The following GOLGA7 variants were observed in gnomAD, a reference collection of about 807,000 sequenced individuals.
GOLGA7 encodes the protein golgin A7, also known as golgin subfamily A member 7.
Under a neutral mutation model 21.1 loss-of-function variants are expected in GOLGA7, and 10 were observed. The observed-to-expected ratio is 0.47, with a 90% CI of 0.29 to 0.80. The LOEUF is 0.80. Ranked by LOEUF, GOLGA7 falls within the 30% of genes least tolerant of loss-of-function variation. The pLI, the probability that GOLGA7 is intolerant of heterozygous loss-of-function variation, is 0.08. For synonymous variants in GOLGA7, 64 were observed against 62.6 expected, an observed-to-expected ratio of 1.02 and a Z score of -0.10; for missense variants, 114 against 166.8, an observed-to-expected ratio of 0.68 and a Z score of 1.74.
intron 2 of GOLGA7, among the ~76,000 whole-genome samples, chr8:41,500,050 C>T (rs1806112772): frequency 6.6e-6 from 1 of 152,210 alleles, no homozygotes; most frequent in Non-Finnish European, 1.5e-5. Context: ...AGTGAAGGCT[C>T]AGGGGATTTG....
intron 4 of GOLGA7, 133 bp downstream of exon 4, chr8:41,507,254 G>A: frequency 1.6e-6 from 1 of 620,174 alleles, no homozygotes; most frequent in Admixed American, 2.9e-5. Context: ...GTTAGCTTAA[G>A]CTAGTCACTG....
intron 1 of GOLGA7, among the ~76,000 whole-genome samples, chr8:41,494,287 G>A (rs1329050739): frequency 6.6e-6 from 1 of 152,086 alleles, no homozygotes; most frequent in Non-Finnish European, 1.5e-5. Flanking sequence ...ACCAGTCTGG[G>A]CAACATAGCG....
At chr8:41,493,577 T>C (rs1448686706) in intron 1 of GOLGA7, among the ~76,000 whole-genome samples, 2 of 152,218 alleles carry the variant, frequency 1.3e-5, no homozygotes, top group East Asian at 3.8e-4. Context: ...TACAGATATC[T>C]TAGTTACCCT....
At chr8:41,509,502 A>G (rs189420177) in intron 4 of GOLGA7, 82 bp from the exon 5 acceptor site, 3 of 152,580 alleles carry the variant, frequency 2.0e-5, no homozygotes, top group African/African-American at 2.4e-5. Flanking sequence ...TTATAAGCTG[A>G]TATCAGTTGA....
chr8:41,505,989 CCTAT>C lies in GOLGA7; in HGVS notation c.344_347del (p.Pro115LeufsTer18). ...TCCACAAGGCCTCCTCCTGACAGAC[CCTAT>C]TGAGCGAGGACTGCGAGTTGTATCT... On this transcript the variant is annotated frameshift_variant, in exon 3 of 5. Coordinates refer to ENST00000357743, the MANE Select transcript of GOLGA7 (RefSeq NM_001002296.2). LOFTEE classifies it high-confidence loss of function. 1 of 1,578,440 alleles carries C rather than the reference CCTAT, an allele frequency of 6.3e-7. No individual in the cohort carries two copies. Among genetic ancestry groups the C allele is most frequent in the Non-Finnish European group, 8.7e-7 (1 of 1,150,336 alleles).
At chr8:41,492,536 C>T (rs28419258) in intron 1 of GOLGA7, among the ~76,000 whole-genome samples, 21,573 of 152,090 alleles carry the variant, frequency 0.14, 1,611 homozygotes, top group African/African-American at 0.18. Context: ...GTGGCGGGCA[C>T]CTGTAATCCC....
intron 2 of GOLGA7, among the ~76,000 whole-genome samples, chr8:41,502,233 C>G (rs1445223292): frequency 6.6e-6 from 1 of 152,238 alleles, no homozygotes; most frequent in Non-Finnish European, 1.5e-5. Flanking sequence ...GCTGCCCTCT[C>G]CCTTTCCCAG....
chr8:41,490,625 T>C lies in GOLGA7; in HGVS notation c.-230T>C. The C allele has an allele frequency of 3.8e-6, 2 of 523,910 alleles. No individual in the cohort carries two copies. The highest frequency in any genetic ancestry group is 3.4e-5 in the East Asian group (1 of 29,820). 32.5% of individuals were successfully genotyped at this position (523,910 alleles called of 1,614,324 possible). A position where few individuals can be genotyped will look rare whatever the true frequency, so the allele number is the denominator to read the frequency against. On this transcript the variant is annotated 5_prime_UTR_variant, in exon 1 of 5. Transcript: ENST00000357743. ...GGAGGGCAGAGGAGGCGGGTTTGTG[T>C]TTCCCGGGCCGAACCGGGTTGTGGG...
At position 41,494,568 on chromosome 8, in the gene GOLGA7, C is replaced by T. The variant is rs140755151; in HGVS notation, c.112-2941C>T. 4.3e-3 allele frequency among the ~76,000 whole-genome samples: 647 copies of T among 152,224 alleles called. 6 individuals are homozygous for T. Among genetic ancestry groups the T allele is most frequent in the African/African-American group, 0.015 (609 of 41,534 alleles). The stretch of plus-strand genomic sequence containing the variant: ...CGTAACAGCTTACCATTTTTGTTTG[C>T]TGAGCTCTCCTCAGTCTGTTTTCGT... On this transcript the variant is annotated intron_variant, in intron 1 of 4. Coordinates refer to ENST00000357743, the MANE Select transcript of GOLGA7 (RefSeq NM_001002296.2).
In GOLGA7 at chr8:41,498,028, G is replaced by A. The variant is rs114730289; in HGVS notation, c.264+367G>A. Among the ~76,000 whole-genome samples, 290 of 152,124 alleles carry A rather than the reference G, an allele frequency of 1.9e-3. 1 individual carries two copies. Among genetic ancestry groups the A allele is most frequent in the African/African-American group, 6.7e-3 (279 of 41,488 alleles). On this transcript the variant is annotated intron_variant, in intron 2 of 4. Transcript: ENST00000357743. ...TCTTTCCAGCTGCCTACTAGCTCCC[G>A]AATTGCTGATTTCTCAACTTAAGAT...
chr8:41,491,117 G>C (rs1805872719), intron 1 of GOLGA7, 152 bp downstream of exon 1: 1 of 620,332 alleles, frequency 1.6e-6, no homozygotes, highest in African/African-American at 1.8e-5. Flanking sequence ...TGTAAGAAGA[G>C]AGCCACTAAG....
At chr8:41,495,491 C>T (rs540283475) in intron 1 of GOLGA7, among the ~76,000 whole-genome samples, 9 of 151,546 alleles carry the variant, frequency 5.9e-5, no homozygotes, top group African/African-American at 2.2e-4. Context: ...CACCATGTTG[C>T]CCAGGCTGGT....
intron 1 of GOLGA7, among the ~76,000 whole-genome samples, chr8:41,492,688 T>C (rs1273379841): frequency 1.3e-5 from 2 of 152,162 alleles, no homozygotes; most frequent in African/African-American, 2.4e-5. Context: ...TAAAAAGATA[T>C]ACATGGAATC....
At chr8:41,509,305 G>A (rs1806363843) in intron 4 of GOLGA7, among the ~76,000 whole-genome samples, 2 of 152,184 alleles carry the variant, frequency 1.3e-5, no homozygotes, top group South Asian at 4.1e-4. Flanking sequence ...TTAAGTTGCT[G>A]GCCCAAGGAC....
chr8:41,499,031 G>C (rs1254006847), intron 2 of GOLGA7, among the ~76,000 whole-genome samples: 1 of 152,336 alleles, frequency 6.6e-6, no homozygotes, highest in East Asian at 1.9e-4. Context: ...AAATGCTGTT[G>C]TATTCTTCAT....
At chr8:41,503,473 A>C (rs1806200008) in intron 2 of GOLGA7, among the ~76,000 whole-genome samples, 1 of 97,256 alleles carries the variant, frequency 1.0e-5, no homozygotes, top group Non-Finnish European at 2.0e-5. Flanking sequence ...TGTTTTGGAC[A>C]TGAAGTCCTT....
chr8:41,496,611 A>C (rs1427579443), intron 1 of GOLGA7, among the ~76,000 whole-genome samples: 1 of 152,040 alleles, frequency 6.6e-6, no homozygotes, highest in Non-Finnish European at 1.5e-5. Context: ...CTGAGTAAAC[A>C]GAATATAGAA....
chr8:41,497,739 G>A, intron 2 of GOLGA7, 78 bp downstream of exon 2: 4 of 727,466 alleles, frequency 5.5e-6, no homozygotes, highest in Non-Finnish European at 7.2e-6. Flanking sequence ...ATGCTTACAT[G>A]GTGATAGTTG....
chr8:41,509,135 A>C (rs1416849175), intron 4 of GOLGA7, among the ~76,000 whole-genome samples: 1 of 152,236 alleles, frequency 6.6e-6, no homozygotes, highest in African/African-American at 2.4e-5. Context: ...GGAATACATG[A>C]TTATTCCATC....
Sources: allele counts gnomAD v4.1 joint callset (sites outside exome capture counted in the v4.1 genomes callset), GRCh38; gene constraint gnomAD v4.1.1; transcripts MANE v1.5; gene names NCBI Gene and HGNC (gene_info 2026-07-23, HGNC 2026-07-21).